The following VPS13B variants were observed in gnomAD, a reference collection of about 807,000 sequenced individuals.
VPS13B encodes the protein intermembrane lipid transfer protein VPS13B.
In VPS13B, 285 loss-of-function variants were observed where a neutral mutation model predicts 426.4. The ratio of observed to expected loss-of-function variants is 0.67; its 90% CI spans 0.61 to 0.74. The LOEUF is 0.74. Among genes scored for constraint, VPS13B ranks in the 30% least tolerant of loss-of-function variants. VPS13B has a pLI of 0.00. For missense variants in VPS13B, 4,537 were observed against 4,782.6 expected, an observed-to-expected ratio of 0.95 and a Z score of 1.51; for synonymous variants, 1,676 against 1,676.4, an observed-to-expected ratio of 1.00 and a Z score of 0.01.
chr8:99,717,369 T>C lies in VPS13B; in HGVS notation c.6653T>C (p.Leu2218Pro). 1 of 1,613,816 alleles carries C rather than the reference T, an allele frequency of 6.2e-7. No individual in the cohort carries two copies. The highest frequency in any genetic ancestry group is 8.5e-7 in the Non-Finnish European group (1 of 1,179,790). ...TCCATTGACTTAAGAGGAGGTCTAC[T>C]ACAGGTCTGTGGGTATTGGCCATAT... The part of the protein sequence containing the change: ...KISIDLRGGL[L>P]QVFWGQEHLN... Residue 2218 changes from leucine (L) to proline (P), a missense_variant, in exon 37 of 62, where the codon CTA becomes CCA. By Grantham distance (98) the Leu-to-Pro change is moderately conservative. Around this residue, in one of 2 missense-constraint regions of VPS13B, gnomAD observed 4,311 missense variants for 4,474.3 expected, o/e 0.96. Coordinates refer to ENST00000357162, the MANE Select transcript of VPS13B (RefSeq NM_152564.5).
chr8:99,272,504 A>G lies in VPS13B; in HGVS notation c.2516-1694A>G, dbSNP rs984283806. ...AGTCCTCAGTAAATGTTAATTGATT[A>G]GAGTTAATTGTCATTATCATCATCA... On this transcript the variant is annotated intron_variant, in intron 17 of 61. Coordinates refer to ENST00000357162, the MANE Select transcript of VPS13B (RefSeq NM_152564.5). Among the ~76,000 whole-genome samples the G allele has an allele frequency of 3.2e-4, 49 of 152,214 alleles. 1 individual carries two copies. Among genetic ancestry groups the G allele is most frequent in the African/African-American group, 1.1e-3 (45 of 41,462 alleles).
Position 99,459,805 on chromosome 8 carries a change from A to T in VPS13B, c.3446-7609A>T, listed in dbSNP as rs572998089. ...AGATTCTGTTGTTAGATGTATATGT[A>T]CCTATAGTTGTTAGGTTTTACTAAA... On this transcript the variant is annotated intron_variant, in intron 23 of 61. Transcript: ENST00000357162. Among the ~76,000 whole-genome samples, 3 of 152,244 alleles carry T rather than the reference A, an allele frequency of 2.0e-5. No individual in the cohort carries two copies. In the South Asian group the frequency reaches 6.2e-4, roughly 32 times the overall value.
intron 16 of VPS13B, among the ~76,000 whole-genome samples, chr8:99,178,159 ATT>A (rs527669325): frequency 1.4e-5 from 2 of 145,654 alleles, no homozygotes; most frequent in Non-Finnish European, 3.0e-5. Flanking sequence ...TTTTTATTTT[ATT>A]TTTTTTTTAT....
intron 35 of VPS13B, among the ~76,000 whole-genome samples, chr8:99,689,780 A>G (rs961795616): frequency 7.2e-5 from 11 of 152,178 alleles, no homozygotes; most frequent in African/African-American, 1.9e-4. Flanking sequence ...TTACCTCTCT[A>G]TGGATGCTTT....
intron 31 of VPS13B, among the ~76,000 whole-genome samples, chr8:99,569,031 C>T (rs1239178457): frequency 6.6e-6 from 1 of 151,408 alleles, no homozygotes; most frequent in African/African-American, 2.4e-5. Flanking sequence ...ACCATGTTAG[C>T]CAGGATGGTC....
rs147131994 is a variant in VPS13B, at chr8:99,347,356, G to A, written c.2825-36852G>A. 844 of 159,682 alleles carry A rather than the reference G, an allele frequency of 5.3e-3. 8 individuals carry two copies. The highest frequency in any genetic ancestry group is 0.019 in the African/African-American group (809 of 41,804). The allele number at this position is 159,682 out of a possible 1,614,324, so 9.9% of individuals were successfully genotyped here. ...TTACATGGGGCTTCAGCTTGTTGAG[G>A]TTAATTTTTACCTGTCATTTATAAT... is the stretch of plus-strand genomic sequence containing the variant. On this transcript the variant is annotated intron_variant, in intron 19 of 61. Transcript: ENST00000357162.
At chr8:99,864,233 G>T (rs1816981537) in intron 58 of VPS13B, among the ~76,000 whole-genome samples, 2 of 152,192 alleles carry the variant, frequency 1.3e-5, no homozygotes, top group Admixed American at 6.5e-5. Flanking sequence ...CCTAATTGAA[G>T]TTAGAGCCAT....
At chr8:99,656,021 A>T (rs1830006629) in intron 34 of VPS13B, among the ~76,000 whole-genome samples, 2 of 152,242 alleles carry the variant, frequency 1.3e-5, no homozygotes, top group African/African-American at 4.8e-5. Context: ...TCAAGTCTTC[A>T]TGAAAGTCTT....
At chr8:99,487,157 C>T (rs546104857) in intron 25 of VPS13B, among the ~76,000 whole-genome samples, 2 of 149,810 alleles carry the variant, frequency 1.3e-5, no homozygotes, top group Non-Finnish European at 3.0e-5. Flanking sequence ...ATATTGTTCA[C>T]ATAGATTAAC....
At position 99,290,071 on chromosome 8, in the gene VPS13B, C is replaced by T. The variant is rs560844356; in HGVS notation, c.2824+14817C>T. Among the ~76,000 whole-genome samples, 6 of 151,944 alleles carry T rather than the reference C, an allele frequency of 3.9e-5. No individual in the cohort carries two copies. The South Asian group carries it at 1.2e-3, about 32-fold the overall frequency. ...CATTTTCAGGTGACCATGTAGTTAC[C>T]TGTATTCATTCAACACATATTTTCT... On this transcript the variant is annotated intron_variant, in intron 19 of 61. Coordinates refer to ENST00000357162, the MANE Select transcript of VPS13B (RefSeq NM_152564.5).
At chr8:99,267,708 A>G (rs2132971274) in intron 17 of VPS13B, among the ~76,000 whole-genome samples, 1 of 151,798 alleles carries the variant, frequency 6.6e-6, no homozygotes, top group South Asian at 2.1e-4. Context: ...GCCTGGCGAC[A>G]GAGTGAGACT....
intron 17 of VPS13B, among the ~76,000 whole-genome samples, chr8:99,270,714 T>A (rs1394747627): frequency 1.3e-5 from 2 of 152,324 alleles, no homozygotes; most frequent in African/African-American, 4.8e-5. Flanking sequence ...TCTTGTTTGC[T>A]GACTACTATA....
intron 16 of VPS13B, among the ~76,000 whole-genome samples, chr8:99,176,779 G>T (rs902730186): frequency 6.6e-5 from 10 of 152,232 alleles, no homozygotes; most frequent in African/African-American, 2.4e-4. Context: ...GAATACTAGA[G>T]ACTCTAATAA....
At chr8:99,830,131 T>C (rs1279763685) in intron 51 of VPS13B, among the ~76,000 whole-genome samples, 2 of 152,224 alleles carry the variant, frequency 1.3e-5, no homozygotes, top group African/African-American at 4.8e-5. Flanking sequence ...AGCACTGTGC[T>C]GGGAGATCCA....
At chr8:99,232,413 C>T (rs1816381073) in intron 17 of VPS13B, among the ~76,000 whole-genome samples, 1 of 152,044 alleles carries the variant, frequency 6.6e-6, no homozygotes, top group Non-Finnish European at 1.5e-5. Context: ...CAAGATTTCC[C>T]TCTGGGTGAA....
chr8:99,501,136 T>C (rs2133608191), intron 25 of VPS13B, among the ~76,000 whole-genome samples: 1 of 152,358 alleles, frequency 6.6e-6, no homozygotes, highest in African/African-American at 2.4e-5. Context: ...TTGCTGTTTC[T>C]TAAACTGATA....
chr8:99,121,602 A>T, intron 8 of VPS13B, 157 bp downstream of exon 8: 2 of 1,437,914 alleles, frequency 1.4e-6, no homozygotes, highest in Non-Finnish European at 1.8e-6. Flanking sequence ...TGGCTCCTCC[A>T]CTTGAAATCT....
chr8:99,291,327 G>T (rs1563650208), intron 19 of VPS13B, among the ~76,000 whole-genome samples: 2 of 152,056 alleles, frequency 1.3e-5, no homozygotes, highest in Non-Finnish European at 2.9e-5. Flanking sequence ...AGCAATAGAT[G>T]TAATAATACT....
At chr8:99,378,264 G>A (rs767398624) in intron 19 of VPS13B, among the ~76,000 whole-genome samples, 22 of 151,590 alleles carry the variant, frequency 1.5e-4, no homozygotes, top group African/African-American at 2.7e-4. Flanking sequence ...TGTCCTGCCC[G>A]GCCCACAGGC....
Sources: gnomAD v4.1 joint callset for allele counts (sites outside exome capture counted in the v4.1 genomes callset) on GRCh38, gnomAD v4.1.1 for gene constraint, gnomAD v4.1.1 regional missense constraint, MANE v1.5 for transcripts, NCBI Gene and HGNC (gene_info 2026-07-23, HGNC 2026-07-21) for gene names.